The following OXR1 variants were observed in gnomAD, a reference collection of about 807,000 sequenced individuals.
OXR1 encodes the protein oxidation resistance protein 1.
In OXR1, 41 loss-of-function variants were observed where a neutral mutation model predicts 104.6. That is an observed-to-expected ratio of 0.39 (90% CI 0.31 to 0.51). The LOEUF is 0.51. Among genes scored for constraint, OXR1 ranks in the 20% least tolerant of loss-of-function variants. The pLI is 0.77. For missense variants in OXR1, 955 were observed against 1,031.9 expected, an observed-to-expected ratio of 0.93 and a Z score of 1.02; for synonymous variants, 348 against 348.4, an observed-to-expected ratio of 1.00 and a Z score of 0.01.
At chr8:106,374,901 G>A (rs542428057) in intron 2 of OXR1, among the ~76,000 whole-genome samples, 6 of 152,268 alleles carry the variant, frequency 3.9e-5, no homozygotes, top group African/African-American at 4.8e-5. Flanking sequence ...GTTTTTCAGC[G>A]TTGTGCACAC....
intron 2 of OXR1, among the ~76,000 whole-genome samples, chr8:106,392,979 G>T (rs1011914300): frequency 2.6e-5 from 4 of 152,046 alleles, no homozygotes; most frequent in African/African-American, 9.7e-5. Context: ...GAACCATATT[G>T]CTCCCCACAC....
intron 2 of OXR1, among the ~76,000 whole-genome samples, chr8:106,456,086 G>T (rs917521102): frequency 1.3e-5 from 2 of 152,124 alleles, no homozygotes; most frequent in Admixed American, 6.5e-5. Context: ...AGATCATTTT[G>T]TATTGTATGC....
intron 2 of OXR1, among the ~76,000 whole-genome samples, chr8:106,508,030 TC>T (rs1316484235): frequency 6.6e-6 from 1 of 152,106 alleles, no homozygotes; most frequent in Non-Finnish European, 1.5e-5. Context: ...TAACTCCTGC[TC>T]CCCCTGGGGC....
At chr8:106,541,815 C>T (rs1814972706) in intron 3 of OXR1, among the ~76,000 whole-genome samples, 1 of 152,152 alleles carries the variant, frequency 6.6e-6, no homozygotes, top group Non-Finnish European at 1.5e-5. Context: ...AAGCAGAGAT[C>T]TTCAAAAGTG....
chr8:106,696,335 TCC>T (rs1830030311), intron 7 of OXR1, among the ~76,000 whole-genome samples: 1 of 152,218 alleles, frequency 6.6e-6, no homozygotes, highest in African/African-American at 2.4e-5. Flanking sequence ...TACTGAATAT[TCC>T]ACTGAGTGGA....
chr8:106,660,741 G>A (rs1050722881), intron 3 of OXR1, among the ~76,000 whole-genome samples: 4 of 152,138 alleles, frequency 2.6e-5, no homozygotes, highest in Non-Finnish European at 5.9e-5. Context: ...AGCCAGTTGC[G>A]GTGGCTCACG....
intron 2 of OXR1, among the ~76,000 whole-genome samples, chr8:106,515,548 C>T (rs1812802307): frequency 6.6e-6 from 1 of 152,196 alleles, no homozygotes; most frequent in Non-Finnish European, 1.5e-5. Context: ...ATTTGTCTTT[C>T]TGTGCCTGGC....
At chr8:106,308,302 G>T (rs1813549289) in intron 1 of OXR1, among the ~76,000 whole-genome samples, 1 of 152,130 alleles carries the variant, frequency 6.6e-6, no homozygotes, top group Non-Finnish European at 1.5e-5. Context: ...TTTTGTTTAT[G>T]TAGGCCCTCA....
At chr8:106,288,422 A>G (rs3019308) in intron 1 of OXR1, among the ~76,000 whole-genome samples, 45,485 of 151,702 alleles carry the variant, frequency 0.3, 7,116 homozygotes, top group East Asian at 0.56. Flanking sequence ...GGAATGTCCA[A>G]ATATTTCCTA....
At chr8:106,685,134 C>T (rs28921404) in intron 6 of OXR1, among the ~76,000 whole-genome samples, 1,611 of 152,108 alleles carry the variant, frequency 0.011, 32 homozygotes, top group African/African-American at 0.036. Flanking sequence ...AATGCAGTCA[C>T]ATGAAAGGAA....
intron 3 of OXR1, among the ~76,000 whole-genome samples, chr8:106,664,670 G>A (rs1826096263): frequency 6.6e-6 from 1 of 152,096 alleles, no homozygotes; most frequent in South Asian, 2.1e-4. Context: ...TAAGTTGAAA[G>A]GTGCAACAAT....
chr8:106,358,480 T>C (rs772561912), intron 1 of OXR1, among the ~76,000 whole-genome samples: 3 of 152,198 alleles, frequency 2.0e-5, no homozygotes, highest in Non-Finnish European at 2.9e-5. Flanking sequence ...TTCCCTATTT[T>C]ATTGAAATCA....
chr8:106,283,872 C>T (rs768507366), intron 1 of OXR1, among the ~76,000 whole-genome samples: 1 of 152,134 alleles, frequency 6.6e-6, no homozygotes, highest in Admixed American at 6.5e-5. Flanking sequence ...CTAAAATGCT[C>T]TTACTGTGGC....
chr8:106,293,085 T>G (rs1278877145), intron 1 of OXR1, among the ~76,000 whole-genome samples: 1 of 152,152 alleles, frequency 6.6e-6, no homozygotes, highest in Non-Finnish European at 1.5e-5. Context: ...CAAAAAATGG[T>G]AGTACACAGA....
At chr8:106,457,595 A>G (rs967281138) in intron 2 of OXR1, among the ~76,000 whole-genome samples, 1 of 152,208 alleles carries the variant, frequency 6.6e-6, no homozygotes, top group Non-Finnish European at 1.5e-5. Flanking sequence ...AGGCTAGATT[A>G]CTGTAAATGG....
chr8:106,368,929 G>C (rs981384543), intron 2 of OXR1, among the ~76,000 whole-genome samples: 2 of 152,166 alleles, frequency 1.3e-5, no homozygotes, highest in African/African-American at 4.8e-5. Flanking sequence ...TAATGGGATT[G>C]CTGGGTCAAA....
intron 3 of OXR1, among the ~76,000 whole-genome samples, chr8:106,661,798 C>G (rs1323432551): frequency 1.3e-5 from 2 of 152,122 alleles, no homozygotes; most frequent in African/African-American, 4.8e-5. Flanking sequence ...AAGACTTGGT[C>G]CATTTATTTA....
chr8:106,468,324 A>G (rs1225302181), intron 2 of OXR1, among the ~76,000 whole-genome samples: 1 of 151,922 alleles, frequency 6.6e-6, no homozygotes, highest in Non-Finnish European at 1.5e-5. Flanking sequence ...TACTTTAGTT[A>G]CCATGTTCCC....
At chr8:106,651,099 A>G (rs1824531989) in intron 3 of OXR1, among the ~76,000 whole-genome samples, 1 of 152,214 alleles carries the variant, frequency 6.6e-6, no homozygotes, top group African/African-American at 2.4e-5. Flanking sequence ...AGATCCTGCA[A>G]AATGACCCTC....
Sources: allele counts gnomAD v4.1 joint callset (sites outside exome capture counted in the v4.1 genomes callset), GRCh38; gene constraint gnomAD v4.1.1; transcripts MANE v1.5; gene names NCBI Gene and HGNC (gene_info 2026-07-23, HGNC 2026-07-21).